The following TBX15 variants were observed in gnomAD, a reference collection of about 807,000 sequenced individuals.
TBX15 encodes T-box transcription factor TBX15.
Under a neutral mutation model 53.9 loss-of-function variants are expected in TBX15, and 18 were observed. That is an observed-to-expected ratio of 0.33 (90% CI 0.23 to 0.49). The LOEUF (loss-of-function observed/expected upper bound fraction) is 0.49. Among genes scored for constraint, TBX15 ranks in the 20% least tolerant of loss-of-function variants. TBX15 has a pLI of 0.98. For synonymous variants in TBX15, 295 were observed against 278.0 expected, an observed-to-expected ratio of 1.06 and a Z score of -0.61; for missense variants, 692 against 749.5, an observed-to-expected ratio of 0.92 and a Z score of 0.90.
In TBX15 at chr1:118,988,238, G is replaced by A. The variant is rs1007284476; in HGVS notation, c.-443C>T. 1 of 161,250 alleles carries A rather than the reference G, an allele frequency of 6.2e-6. No individual in the cohort carries two copies. Among genetic ancestry groups the A allele is most frequent in the African/African-American group, 2.4e-5 (1 of 41,356 alleles). 10.0% of individuals were successfully genotyped at this position (161,250 alleles called of 1,614,324 possible). ...CTCTCTGCCTTCCCGTCCTCCCTGT[G>A]ATCCAAACTTCTGGGAAACTTTTTT... On this transcript the variant is annotated 5_prime_UTR_variant, in exon 1 of 8. Transcript: ENST00000369429.
chr1:118,896,410 G>A (rs545145488), intron 7 of TBX15, among the ~76,000 whole-genome samples: 2 of 152,194 alleles, frequency 1.3e-5, no homozygotes, highest in South Asian at 2.1e-4. Flanking sequence ...AATGACAAGA[G>A]AAATAAAAGA....
chr1:118,975,332 G>A (rs1425186121), intron 1 of TBX15, among the ~76,000 whole-genome samples: 1 of 152,172 alleles, frequency 6.6e-6, no homozygotes, highest in Non-Finnish European at 1.5e-5. Flanking sequence ...AGGAGCAGAG[G>A]AACTAAGAAT....
rs1653856036 is a variant in TBX15 at position 118,884,604 on chromosome 1, A to AG, written c.*127dup. On this transcript the variant is annotated 3_prime_UTR_variant, in exon 8 of 8. Coordinates refer to ENST00000369429, the MANE Select transcript of TBX15 (RefSeq NM_001330677.2). ...TGTTCTTGGGTATATGTCTTCGGCC[A>AG]GAAAAAAAAAAAAAAAAAAAACACG... is the stretch of plus-strand genomic sequence containing the variant. The AG allele has an allele frequency of 2.8e-6, 3 of 1,082,060 alleles. No homozygotes were observed. The highest frequency in any genetic ancestry group is 1.9e-5 in the African/African-American group (1 of 52,870). 67.0% of individuals were successfully genotyped at this position (1,082,060 alleles called of 1,614,324 possible). A position where few individuals can be genotyped will look rare whatever the true frequency, so the allele number is the denominator to read the frequency against.
chr1:118,939,345 C>T (rs1221509755), intron 1 of TBX15, among the ~76,000 whole-genome samples: 1 of 132,598 alleles, frequency 7.5e-6, no homozygotes, highest in Non-Finnish European at 1.5e-5. Flanking sequence ...AAGGTCGAGG[C>T]TGCAGTGAGC....
intron 1 of TBX15, among the ~76,000 whole-genome samples, chr1:118,972,938 G>A (rs1319268164): frequency 6.6e-6 from 1 of 152,096 alleles, no homozygotes; most frequent in African/African-American, 2.4e-5. Flanking sequence ...GTGTCTGAGT[G>A]GTCTCAATGT....
chr1:118,911,806 T>C (rs1655036378), intron 6 of TBX15, among the ~76,000 whole-genome samples: 1 of 152,210 alleles, frequency 6.6e-6, no homozygotes, highest in South Asian at 2.1e-4. Flanking sequence ...TCTTTGCACT[T>C]GCTGTTTCTA....
intron 1 of TBX15, among the ~76,000 whole-genome samples, chr1:118,958,605 T>C (rs543673700): frequency 8.5e-5 from 13 of 152,284 alleles, no homozygotes; most frequent in South Asian, 6.2e-4. Context: ...ATGGTCCTGG[T>C]CCTACCCTAA....
intron 6 of TBX15, among the ~76,000 whole-genome samples, chr1:118,911,072 A>C (rs1221825250): frequency 6.6e-6 from 1 of 152,230 alleles, no homozygotes; most frequent in African/African-American, 2.4e-5. Context: ...AAATAAGTCA[A>C]GTGTAAACTG....
intron 1 of TBX15, among the ~76,000 whole-genome samples, chr1:118,987,141 AAGG>A (rs1396424838): frequency 6.6e-6 from 1 of 152,242 alleles, no homozygotes; most frequent in Non-Finnish European, 1.5e-5. Flanking sequence ...GACGAGGTTG[AAGG>A]CTAAATGAGA....
chr1:118,980,929 T>C (rs1375091942), intron 1 of TBX15, among the ~76,000 whole-genome samples: 1 of 152,046 alleles, frequency 6.6e-6, no homozygotes, highest in Non-Finnish European at 1.5e-5. Context: ...GCCTCCCTGG[T>C]TCAAGCGATT....
chr1:118,893,504 A>AAGAAAGAAAGAAAGAG (rs1654270816), intron 7 of TBX15, among the ~76,000 whole-genome samples: 2 of 123,814 alleles, frequency 1.6e-5, no homozygotes, highest in African/African-American at 4.3e-5. Flanking sequence ...GAAAGAAAGA[A>AAGAAAGAAAGAAAGAG]AGAAAGAAAG....
At chr1:118,974,747 A>C (rs1227308683) in intron 1 of TBX15, among the ~76,000 whole-genome samples, 1 of 152,174 alleles carries the variant, frequency 6.6e-6, no homozygotes. Context: ...TTACAAAATA[A>C]ATGAATCAGA....
At chr1:118,912,609 T>C (rs74354911) in intron 6 of TBX15, among the ~76,000 whole-genome samples, 1,657 of 152,078 alleles carry the variant, frequency 0.011, 37 homozygotes, top group African/African-American at 0.038. Context: ...TGTTAGCCCA[T>C]AGTGCAGAAC....
chr1:118,935,774 G>C (rs549536328), intron 1 of TBX15, among the ~76,000 whole-genome samples: 1 of 152,046 alleles, frequency 6.6e-6, no homozygotes, highest in Non-Finnish European at 1.5e-5. Context: ...CTTAAAGTAC[G>C]TTCACTTCTC....
At chr1:118,955,794 A>G (rs532942704) in intron 1 of TBX15, among the ~76,000 whole-genome samples, 2 of 152,346 alleles carry the variant, frequency 1.3e-5, no homozygotes, top group South Asian at 4.1e-4. Context: ...AGGATTAGTT[A>G]CAACAGCCCA....
chr1:118,931,250 A>T (rs984304565), intron 2 of TBX15, among the ~76,000 whole-genome samples: 2 of 152,262 alleles, frequency 1.3e-5, no homozygotes, highest in Non-Finnish European at 2.9e-5. Context: ...AATACTTTAG[A>T]AGATGCAAGT....
chr1:118,905,244 C>T (rs1654774592), intron 6 of TBX15, among the ~76,000 whole-genome samples: 1 of 152,084 alleles, frequency 6.6e-6, no homozygotes, highest in African/African-American at 2.4e-5. Flanking sequence ...AAAACGTGTC[C>T]CTCAAGTCCC....
intron 1 of TBX15, among the ~76,000 whole-genome samples, chr1:118,967,585 T>C (rs1657070259): frequency 6.6e-6 from 1 of 152,116 alleles, no homozygotes; most frequent in African/African-American, 2.4e-5. Flanking sequence ...AAGGGACAAG[T>C]AGAAGATAAA....
At chr1:118,892,532 T>C (rs1654181817) in intron 7 of TBX15, among the ~76,000 whole-genome samples, 1 of 152,162 alleles carries the variant, frequency 6.6e-6, no homozygotes, top group South Asian at 2.1e-4. Context: ...GTTTGTGAAA[T>C]GCAGTTAGAT....
Sources: allele counts gnomAD v4.1 joint callset (sites outside exome capture counted in the v4.1 genomes callset), GRCh38; gene constraint gnomAD v4.1.1; transcripts MANE v1.5; gene names NCBI Gene and HGNC (gene_info 2026-07-23, HGNC 2026-07-21).